The following PSG11 variants were observed in gnomAD, a reference collection of about 807,000 sequenced individuals.
PSG11 encodes the protein pregnancy specific beta-1-glycoprotein 11, also known as pregnancy-specific beta-1-glycoprotein 11.
In PSG11, 42 loss-of-function variants were observed where a neutral mutation model predicts 36.0. The ratio of observed to expected loss-of-function variants is 1.17; its 90% CI spans 0.91 to 1.51. The LOEUF (loss-of-function observed/expected upper bound fraction) is 1.51. PSG11 is among the 40% of genes most tolerant of loss of function. PSG11 has a pLI of 0.00. For missense variants in PSG11, 558 were observed against 403.5 expected (o/e 1.38, Z -3.28); for synonymous variants, 206 against 153.5 (o/e 1.34, Z -2.53).
Position 43,010,041 on chromosome 19 carries a change from G to A in PSG11, c.965C>T (p.Ala322Val), listed in dbSNP as rs546466917. Residue 322 changes from alanine to valine, a missense_variant and splice_region_variant, in exon 5 of 6, where the codon GCT (alanine) becomes GTT (valine). Physicochemically the swap from Ala to Val is moderately conservative, Grantham distance 64 (BLOSUM62 0). Transcript: ENST00000320078. ...SSTSLTIRVI[A>V]PPGLGTFAFN... ...AGCAAAAGTTCCTAATCCTGGAGGA[G>A]CTGTCATGGAAAGAAAAGAAAAGAA... The A allele has an allele frequency of 3.1e-6, 5 of 1,609,060 alleles. No individual in the cohort carries two copies. In the African/African-American group the frequency reaches 5.4e-5, roughly 17 times the overall value.
intron 5 of PSG11, among the ~76,000 whole-genome samples, chr19:43,008,939 A>G (rs1974001687): frequency 6.6e-6 from 1 of 151,156 alleles, no homozygotes; most frequent in Admixed American, 6.6e-5. Flanking sequence ...CCGTCTCCAG[A>G]CCTTTAAACT....
chr19:43,018,467 A>G, intron 3 of PSG11: 1 of 580,674 alleles, frequency 1.7e-6, no homozygotes, highest in Non-Finnish European at 2.9e-6. Context: ...GCCAAGTCGC[A>G]AGACTGAAGT....
chr19:43,015,640 G>C, intron 3 of PSG11: 1 of 1,507,430 alleles, frequency 6.6e-7, no homozygotes, highest in Non-Finnish European at 8.9e-7. Context: ...AGGGCAGGGA[G>C]TCATGGCCAC....
At chr19:43,023,278 G>C (rs954027031) in intron 2 of PSG11, among the ~76,000 whole-genome samples, 1 of 150,736 alleles carries the variant, frequency 6.6e-6, no homozygotes, top group Non-Finnish European at 1.5e-5. Context: ...TCTCTAAAGA[G>C]GTTTTGGATC....
intron 3 of PSG11, among the ~76,000 whole-genome samples, chr19:43,015,575 G>C (rs1332130265): frequency 2.0e-5 from 3 of 151,340 alleles, no homozygotes; most frequent in African/African-American, 7.3e-5. Flanking sequence ...CCCATGACAA[G>C]AGCATCCCCT....
At chr19:43,015,583 C>G (rs929821238) in intron 3 of PSG11, among the ~76,000 whole-genome samples, 8 of 151,348 alleles carry the variant, frequency 5.3e-5, no homozygotes, top group African/African-American at 2.0e-4. Context: ...AAGAGCATCC[C>G]CTCTCCTTAT....
intron 4 of PSG11, among the ~76,000 whole-genome samples, chr19:43,011,082 G>A (rs1409122057): frequency 2.6e-5 from 4 of 150,980 alleles, no homozygotes; most frequent in Non-Finnish European, 4.4e-5. Context: ...CTTTCCTGGT[G>A]TCATATGGCT....
chr19:43,024,446 T>G, intron 2 of PSG11: 1 of 591,366 alleles, frequency 1.7e-6, no homozygotes, highest in Non-Finnish European at 3.0e-6. Flanking sequence ...CTCCTCCTGC[T>G]GAGTCCCCCC....
rs1303240923 is a variant in PSG11 at position 43,024,887 on chromosome 19, G to A, written c.234C>T (p.Tyr78=). 9 of 1,611,680 alleles carry A rather than the reference G, an allele frequency of 5.6e-6. No individual in the cohort carries two copies. The highest frequency in any genetic ancestry group is 2.7e-5 in the African/African-American group (2 of 74,240). The change falls in exon 2 of 6, where the codon TAC becomes TAT. Residue 78 remains tyrosine, a synonymous_variant. Coordinates refer to ENST00000320078, the MANE Select transcript of PSG11 (RefSeq NM_002785.3). ...GACCGTCTACTACATATGATGTAAT[G>A]TAATGGTAGAGGTCCCTGATTTGCC... ...YKGQIRDLYH[Y]ITSYVVDGQI... is the part of the protein sequence containing the mutation.
At chr19:43,009,091 G>T (rs1176460828) in intron 5 of PSG11, among the ~76,000 whole-genome samples, 1 of 151,016 alleles carries the variant, frequency 6.6e-6, no homozygotes, top group Non-Finnish European at 1.5e-5. Flanking sequence ...TTATTTTCAG[G>T]TCTCATTTCC....
rs757042860 is a variant in PSG11 at position 43,015,376 on chromosome 19, G to A, written c.710-6C>T. 28 of 1,606,270 alleles carry A rather than the reference G, an allele frequency of 1.7e-5. No individual in the cohort carries two copies. Among genetic ancestry groups the A allele is most frequent in the Non-Finnish European group, 9.4e-6 (11 of 1,175,984 alleles). ...TCTGGGGAGGTCTGGACCATCTGGA[G>A]GAAAGAGAATAAAGCCACAGTTGAT... On this transcript the variant is annotated splice_region_variant and splice_polypyrimidine_tract_variant and intron_variant, in intron 3 of 5. Coordinates refer to ENST00000320078, the MANE Select transcript of PSG11 (RefSeq NM_002785.3).
At chr19:43,010,537 T>G in intron 4 of PSG11, 1 of 598,898 alleles carries the variant, frequency 1.7e-6, no homozygotes, top group Middle Eastern at 5.3e-4. Flanking sequence ...AGCCTAGTTC[T>G]CTGAGGCTCT....
At chr19:43,012,878 G>A (rs1430364341) in intron 4 of PSG11, among the ~76,000 whole-genome samples, 1 of 151,392 alleles carries the variant, frequency 6.6e-6, no homozygotes, top group African/African-American at 2.4e-5. Flanking sequence ...CCTGATTTCA[G>A]CATTTACTAC....
rs1299349891 is a variant in PSG11 at position 43,026,334 on chromosome 19, G to A, written c.39C>T (p.Ile13=). Residue 13 remains isoleucine (I), a synonymous_variant, in exon 1 of 6, where the codon ATC becomes ATT. Coordinates refer to ENST00000320078, the MANE Select transcript of PSG11 (RefSeq NM_002785.3). Reference sequence around the variant, plus strand: ...CTGTGAGCAGGAGCCCCTTCCATTTGATGTGCTCTGTGCAGGGAGGGGCTG... The same window carrying A: ...CTGTGAGCAGGAGCCCCTTCCATTTAATGTGCTCTGTGCAGGGAGGGGCTG... ...PLSAPPCTEH[I]KWKGLLLTAL... is the part of the protein sequence containing the mutation. 2.5e-6 allele frequency: 4 copies of A among 1,611,144 alleles called. No individual in the cohort carries two copies. The highest frequency in any genetic ancestry group is 3.4e-6 in the Non-Finnish European group (4 of 1,178,666).
chr19:43,012,800 T>G lies in PSG11; in HGVS notation c.964+2316A>C, dbSNP rs1045929872. ...GAAAAATCTGTCCTAAAATTTATAT[T>G]GAATCTCATGACTCTAAATAGACAC... is the stretch of plus-strand genomic sequence containing the variant. On this transcript the variant is annotated intron_variant, in intron 4 of 5. Transcript: ENST00000320078. Among the ~76,000 whole-genome samples the G allele has an allele frequency of 6.6e-5, 10 of 151,312 alleles. 1 individual carries two copies. The highest frequency in any genetic ancestry group is 1.5e-4 in the Non-Finnish European group (10 of 67,874).
chr19:43,014,625 G>T lies in PSG11; in HGVS notation c.964+491C>A. On this transcript the variant is annotated intron_variant, in intron 4 of 5. Transcript: ENST00000320078. Reference sequence around the variant, plus strand: ...AGTGAGGCAGGGCCAGTCACCAGAGGAGCCCGGAGCAGAGCAGGAAGCAGA... The same window carrying T: ...AGTGAGGCAGGGCCAGTCACCAGAGTAGCCCGGAGCAGAGCAGGAAGCAGA... 5 of 1,062,092 alleles carry T rather than the reference G, an allele frequency of 4.7e-6. No individual in the cohort carries two copies. In the South Asian group the frequency reaches 2.2e-4, roughly 46 times the overall value. The allele number at this position is 1,062,092 out of a possible 1,614,324, so 65.8% of individuals were successfully genotyped here. A position where few individuals can be genotyped will look rare whatever the true frequency, so the allele number is the denominator to read the frequency against.
chr19:43,025,939 T>C (rs1967241835), intron 1 of PSG11, among the ~76,000 whole-genome samples: 2 of 115,560 alleles, frequency 1.7e-5, no homozygotes, highest in South Asian at 3.5e-4. Context: ...TTTTTCTCTT[T>C]TTTTTTTTTT....
intron 1 of PSG11, 110 bp from the exon 2 acceptor site, chr19:43,025,166 C>CAG: frequency 7.3e-7 from 1 of 1,375,218 alleles, no homozygotes; most frequent in Non-Finnish European, 9.9e-7. Flanking sequence ...TGAAGACACA[C>CAG]ACACACACAC....
At position 43,026,345 on chromosome 19, in the gene PSG11, T is replaced by G; in HGVS notation, c.28A>C (p.Thr10Pro). ...AGCCCCTTCCATTTGATGTGCTCTG[T>G]GCAGGGAGGGGCTGAGAGGGGCCCC... Reference protein sequence around the residue: MGPLSAPPCTEHIKWKGLLL... With the variant: MGPLSAPPCPEHIKWKGLLL... Residue 10 changes from threonine (T) to proline (P), a missense_variant, in exon 1 of 6, where the codon ACA becomes CCA. Physicochemically the swap from Thr to Pro is conservative, Grantham distance 38 (BLOSUM62 -1). Transcript: ENST00000320078. The G allele has an allele frequency of 1.2e-6, 2 of 1,611,150 alleles. No homozygotes were observed. Among genetic ancestry groups the G allele is most frequent in the Non-Finnish European group, 8.5e-7 (1 of 1,178,640 alleles).
Sources: gnomAD v4.1 joint callset for allele counts (sites outside exome capture counted in the v4.1 genomes callset) on GRCh38, gnomAD v4.1.1 for gene constraint, MANE v1.5 for transcripts, NCBI Gene and HGNC (gene_info 2026-07-23, HGNC 2026-07-21) for gene names.